Variants in ARV1 observed in about 807,000 individuals in gnomAD.
The protein encoded by ARV1 is ARV1 fatty acid homeostasis modulator, also known as protein ARV1.
Under a neutral mutation model 31.1 loss-of-function variants are expected in ARV1, and 26 were observed. The ratio of observed to expected loss-of-function variants is 0.84; its 90% CI spans 0.61 to 1.16. The LOEUF is 1.16. Among genes scored for constraint, ARV1 ranks in the 50% most tolerant of loss-of-function variants. The pLI, the probability that ARV1 is intolerant of heterozygous loss-of-function variation, is 0.00. For synonymous variants in ARV1, 117 were observed against 123.2 expected (o/e 0.95, Z 0.34); for missense variants, 281 against 324.9 (o/e 0.86, Z 1.04).
rs752101166 is a variant in ARV1 at position 230,979,186 on chromosome 1, G to T, written c.81G>T (p.Ser27=). ...DGVAATPTAA[S]ASCQYRCIEC... Reference sequence around the variant, plus strand: ...TGGCAGCGACTCCTACTGCTGCCTCGGCCTCCTGCCAGTACAGGTGCATCG... The same window carrying T: ...TGGCAGCGACTCCTACTGCTGCCTCTGCCTCCTGCCAGTACAGGTGCATCG... Residue 27 remains serine (S), a synonymous_variant, in exon 1 of 6, where the codon TCG becomes TCT. Coordinates refer to ENST00000310256, the MANE Select transcript of ARV1 (RefSeq NM_022786.3). The T allele has an allele frequency of 1.4e-5, 22 of 1,613,160 alleles. No homozygotes were observed. The highest frequency in any genetic ancestry group is 1.0e-4 in the Admixed American group (6 of 59,918).
chr1:230,979,663 C>T (rs1678779672), intron 1 of ARV1: 1 of 233,900 alleles, frequency 4.3e-6, no homozygotes, highest in African/African-American at 2.4e-5. Flanking sequence ...GTTGAATTCA[C>T]CTACGATGCT....
At chr1:230,986,770 C>A (rs1297243857) in intron 1 of ARV1, among the ~76,000 whole-genome samples, 2 of 136,970 alleles carry the variant, frequency 1.5e-5, no homozygotes, top group Non-Finnish European at 3.1e-5. Flanking sequence ...CTTCTGGCTT[C>A]AAGCGATCCT....
At chr1:230,987,153 A>G (rs141553148) in intron 1 of ARV1, among the ~76,000 whole-genome samples, 1 of 152,070 alleles carries the variant, frequency 6.6e-6, no homozygotes, top group Non-Finnish European at 1.5e-5. Flanking sequence ...GCAATCCTCA[A>G]TCCTGTTAAC....
chr1:230,985,254 A>T (rs1206632498), intron 1 of ARV1, among the ~76,000 whole-genome samples: 1 of 152,210 alleles, frequency 6.6e-6, no homozygotes, highest in East Asian at 1.9e-4. Context: ...AGCATATCAC[A>T]TACTACCAGA....
chr1:230,995,602 CAA>C lies in ARV1; in HGVS notation c.449-156_449-155del, dbSNP rs58344712. ...TTATTTAAAAAAAAAAAACAACACACAAACAAAAAGAAGAAGAAAAAGAGATT... is the reference window on the plus strand; with the variant it reads ...TTATTTAAAAAAAAAAAACAACACACACAAAAAGAAGAAGAAAAAGAGATT... On this transcript the variant is annotated intron_variant, in intron 3 of 5. Transcript: ENST00000310256. Among the ~76,000 whole-genome samples, 697 of 136,192 alleles carry C rather than the reference CAA, an allele frequency of 5.1e-3. 5 individuals carry two copies. Among genetic ancestry groups the C allele is most frequent in the African/African-American group, 0.021 (641 of 31,040 alleles). The allele number at this position is 136,192 out of a possible 152,430, so 89.3% of individuals were successfully genotyped here. A position where few individuals can be genotyped will look rare whatever the true frequency, so the allele number is the denominator to read the frequency against.
intron 3 of ARV1, chr1:230,990,672 G>T: frequency 2.9e-6 from 1 of 349,820 alleles, no homozygotes; most frequent in South Asian, 2.2e-5. Context: ...CTCCTGCCTC[G>T]GCCCCCCCAG....
intron 4 of ARV1, 71 bp from the exon 5 acceptor site, chr1:230,997,050 A>C: frequency 1.1e-5 from 17 of 1,547,358 alleles, no homozygotes; most frequent in South Asian, 1.2e-5. Flanking sequence ...AACAATTCAT[A>C]CTACCCGAAA....
At chr1:230,982,516 T>G (rs976556885) in intron 1 of ARV1, among the ~76,000 whole-genome samples, 2 of 152,198 alleles carry the variant, frequency 1.3e-5, no homozygotes, top group Non-Finnish European at 2.9e-5. Flanking sequence ...CAACATTCAC[T>G]TACCCCCTCC....
At chr1:230,995,614 A>G in intron 3 of ARV1, 146 bp from the exon 4 acceptor site, 1 of 640,808 alleles carries the variant, frequency 1.6e-6, no homozygotes, top group Non-Finnish European at 2.5e-6. Flanking sequence ...AACAAAAAGA[A>G]GAAGAAAAAG....
chr1:230,995,802 T>C lies in ARV1; in HGVS notation c.491T>C (p.Val164Ala), dbSNP rs776686579. Residue 164 changes from valine (V) to alanine (A), a missense_variant, in exon 4 of 6, where the codon GTA (valine) becomes GCA (alanine). Val to Ala is a moderately conservative substitution (Grantham distance 64). Transcript: ENST00000310256. ...ATTGGCATTTTTACCTTCCTGTGGG[T>C]AGAACGGCCCATGACGGCAAAAAAA... ...YFIGIFTFLW[V>A]ERPMTAKKKP... 2.5e-6 allele frequency: 4 copies of C among 1,614,078 alleles called. No individual in the cohort carries two copies. Among genetic ancestry groups the C allele is most frequent in the Middle Eastern group, 1.6e-4 (1 of 6,062 alleles).
chr1:230,999,226 A>C (rs879265758), intron 5 of ARV1, among the ~76,000 whole-genome samples: 1 of 152,116 alleles, frequency 6.6e-6, no homozygotes, highest in Non-Finnish European at 1.5e-5. Flanking sequence ...CACAGGTCTG[A>C]TGTGGAATTC....
chr1:230,988,553 A>G, intron 2 of ARV1, 114 bp downstream of exon 2: 2 of 929,166 alleles, frequency 2.2e-6, no homozygotes, highest in Non-Finnish European at 3.1e-6. Flanking sequence ...AAGAAATTCT[A>G]ATGTGAGAGT....
intron 1 of ARV1, chr1:230,979,493 G>A (rs1208321683): frequency 3.6e-6 from 2 of 551,134 alleles, no homozygotes; most frequent in African/African-American, 2.0e-5. Context: ...ACCTAAGCCG[G>A]CGAACGGACC....
rs1678732940 is a variant in ARV1, at chr1:230,979,140, G to A, written c.35G>A (p.Gly12Glu). 2 of 1,611,292 alleles carry A rather than the reference G, an allele frequency of 1.2e-6. No homozygotes were observed. The highest frequency in any genetic ancestry group is 1.7e-6 in the Non-Finnish European group (2 of 1,179,230). ...GGCGGGCGGAGCGGCCTGCAGCAGG[G>A]GAAGGGGAACGTGGATGGGGTGGCA... Reference protein sequence around the residue: ...GNGGRSGLQQGKGNVDGVAAT... With the variant: ...GNGGRSGLQQEKGNVDGVAAT... The change falls in exon 1 of 6, where the codon GGG (glycine) becomes GAG (glutamate). Residue 12 changes from glycine to glutamate, a missense_variant. By Grantham distance (98) the Gly-to-Glu change is moderately conservative. Coordinates refer to ENST00000310256, the MANE Select transcript of ARV1 (RefSeq NM_022786.3).
At chr1:230,983,997 G>A (rs1264814723) in intron 1 of ARV1, among the ~76,000 whole-genome samples, 2 of 152,228 alleles carry the variant, frequency 1.3e-5, no homozygotes, top group African/African-American at 4.8e-5. Flanking sequence ...AGCACTGTGG[G>A]AGGCTAAATC....
At chr1:230,985,895 C>T (rs1419876093) in intron 1 of ARV1, among the ~76,000 whole-genome samples, 1 of 151,564 alleles carries the variant, frequency 6.6e-6, no homozygotes, top group Non-Finnish European at 1.5e-5. Flanking sequence ...ATATTAACTC[C>T]TTATGCGTCA....
At chr1:230,993,400 T>C (rs1467021459) in intron 3 of ARV1, among the ~76,000 whole-genome samples, 1 of 152,246 alleles carries the variant, frequency 6.6e-6, no homozygotes, top group Non-Finnish European at 1.5e-5. Context: ...CTGGCCCTTC[T>C]TAAAATTTCT....
intron 3 of ARV1, among the ~76,000 whole-genome samples, chr1:230,992,689 A>G (rs1008775681): frequency 1.3e-5 from 2 of 152,216 alleles, no homozygotes; most frequent in Admixed American, 1.3e-4. Flanking sequence ...GCAAGTCACC[A>G]TCAGTTACAC....
At chr1:230,989,175 G>C (rs1409411490) in intron 2 of ARV1, among the ~76,000 whole-genome samples, 1 of 152,140 alleles carries the variant, frequency 6.6e-6, no homozygotes, top group Non-Finnish European at 1.5e-5. Flanking sequence ...GTCTTGCTCT[G>C]TCACCCAGGC....
Sources: allele counts gnomAD v4.1 joint callset (sites outside exome capture counted in the v4.1 genomes callset), GRCh38; gene constraint gnomAD v4.1.1; transcripts MANE v1.5; gene names NCBI Gene and HGNC (gene_info 2026-07-23, HGNC 2026-07-21).